The following SRI variants were observed in gnomAD, a reference collection of about 807,000 sequenced individuals.
The protein encoded by SRI is 22 kDa protein.
Under a neutral mutation model 33.3 loss-of-function variants are expected in SRI, and 30 were observed. The ratio of observed to expected loss-of-function variants is 0.90; its 90% CI spans 0.67 to 1.22. The LOEUF is 1.22. Ranked by LOEUF, SRI falls within the 50% of genes most tolerant of loss-of-function variation. The pLI, the probability that SRI is intolerant of heterozygous loss-of-function variation, is 0.00. For synonymous variants in SRI, 75 were observed against 89.9 expected (o/e 0.83, Z 0.94); for missense variants, 243 against 250.8 (o/e 0.97, Z 0.21).
upstream of SRI, among the ~76,000 whole-genome samples, chr7:88,220,334 AC>A: frequency 6.8e-6 from 1 of 146,634 alleles, no homozygotes; most frequent in Non-Finnish European, 1.5e-5. Flanking sequence ...ACATTCCAAC[AC>A]CAATACACCA....
chr7:88,220,323 C>T (rs1851861403), upstream of SRI, among the ~76,000 whole-genome samples: 1 of 151,614 alleles, frequency 6.6e-6, no homozygotes, highest in Non-Finnish European at 1.5e-5. Context: ...AAACTAATGG[C>T]ACATTCCAAC....
At chr7:88,217,583 T>C (rs1039724660) in intron 2 of SRI, among the ~76,000 whole-genome samples, 1 of 152,152 alleles carries the variant, frequency 6.6e-6, no homozygotes, top group Non-Finnish European at 1.5e-5. Flanking sequence ...TATGATATAG[T>C]GAATCATTTT....
intron 1 of SRI, among the ~76,000 whole-genome samples, chr7:88,225,978 T>C (rs1029157028): frequency 3.3e-5 from 5 of 152,194 alleles, no homozygotes; most frequent in African/African-American, 1.2e-4. Context: ...AGTTTTTGTC[T>C]GAGGCTTGTA....
rs1851840210 is a variant in SRI, at chr7:88,219,854, G to A, written c.51+122C>T. The A allele has an allele frequency of 1.4e-5, 17 of 1,242,828 alleles. No homozygotes were observed. In the South Asian group the frequency reaches 2.0e-4, roughly 14 times the overall value. The allele number at this position is 1,242,828 out of a possible 1,614,324, so 77.0% of individuals were successfully genotyped here. ...GGCCGCGAGCGCAGGGAGAAGCCGA[G>A]GGCGGAAGGAGCCCGGGTAGCCGCC... On this transcript the variant is annotated intron_variant, in intron 1 of 7. Transcript: ENST00000265729.
Position 88,210,007 on chromosome 7 carries a change from A to C in SRI, c.373T>G (p.Leu125Val). 2 of 1,614,168 alleles carry C rather than the reference A, an allele frequency of 1.2e-6. No individual in the cohort carries two copies. The highest frequency in any genetic ancestry group is 2.2e-5 in the South Asian group (2 of 91,084). The change falls in exon 5 of 8, where the codon TTG becomes GTG. Residue 125 changes from leucine to valine, a missense_variant. Leu to Val is a conservative substitution (Grantham distance 32). Coordinates refer to ENST00000265729, the MANE Select transcript of SRI (RefSeq NM_003130.4). ...DRSGTVDPQE[L>V]QKALTTMGFR... ...CCCATTGTTGTCAGGGCCTTCTGCA[A>C]TTCTTGTGGGTCTACTGTTCCACTC... is the stretch of plus-strand genomic sequence containing the variant.
At chr7:88,220,888 G>C (rs1469433668), upstream of SRI, among the ~76,000 whole-genome samples, 1 of 152,202 alleles carries the variant, frequency 6.6e-6, no homozygotes, top group Non-Finnish European at 1.5e-5. Context: ...ATAAGAGATA[G>C]GAACTTCTAT....
intron 1 of SRI, 147 bp downstream of exon 1, chr7:88,219,829 G>A: frequency 1.0e-6 from 1 of 989,218 alleles, no homozygotes; most frequent in Non-Finnish European, 1.4e-6. Context: ...CCTAGGGCGA[G>A]GCCGCGAGCG....
chr7:88,208,380 A>C, intron 7 of SRI, 127 bp downstream of exon 7: 2 of 1,442,114 alleles, frequency 1.4e-6, no homozygotes, highest in Middle Eastern at 1.9e-4. Context: ...AACTCTTTCT[A>C]ACTTTTGAAT....
chr7:88,223,911 T>TA (rs975632752), upstream of SRI, among the ~76,000 whole-genome samples: 1 of 151,846 alleles, frequency 6.6e-6, no homozygotes, highest in African/African-American at 2.4e-5. Context: ...TACTAAGTCC[T>TA]AAAAAAAAGA....
chr7:88,209,871 C>T, intron 5 of SRI, 112 bp downstream of exon 5: 1 of 1,438,732 alleles, frequency 7.0e-7, no homozygotes, highest in Non-Finnish European at 9.8e-7. Context: ...CCTCCTTGGC[C>T]TCCCAAAGTG....
At chr7:88,218,978 G>C in intron 1 of SRI, 36 bp from the exon 2 acceptor site, 2 of 1,589,758 alleles carry the variant, frequency 1.3e-6, no homozygotes, top group Non-Finnish European at 1.7e-6. Context: ...TCATTCTGCC[G>C]AATCAAGTTT....
At chr7:88,208,607 G>C in intron 6 of SRI, 42 bp from the exon 7 acceptor site, 1 of 1,610,400 alleles carries the variant, frequency 6.2e-7, no homozygotes, top group Non-Finnish European at 8.5e-7. Flanking sequence ...TTCTTTAAAT[G>C]GTTTTTCTAA....
At chr7:88,222,473 G>C (rs1328656399), upstream of SRI, among the ~76,000 whole-genome samples, 2 of 150,932 alleles carry the variant, frequency 1.3e-5, no homozygotes, top group African/African-American at 4.9e-5. Context: ...TTTTTTGGCT[G>C]CATAAATGTC....
upstream of SRI, among the ~76,000 whole-genome samples, chr7:88,220,906 ATTC>A (rs1851874913): frequency 6.6e-6 from 1 of 152,226 alleles, no homozygotes; most frequent in Admixed American, 6.5e-5. Context: ...TATGTAGGTT[ATTC>A]TTCTTTACTT....
At chr7:88,224,516 TAG>T (rs1429828947), upstream of SRI, among the ~76,000 whole-genome samples, 1 of 152,208 alleles carries the variant, frequency 6.6e-6, no homozygotes, top group Non-Finnish European at 1.5e-5. Context: ...ACCTCTGCCT[TAG>T]AGAGAAGCTC....
chr7:88,220,036 T>C lies in SRI; in HGVS notation c.-10A>G. On this transcript the variant is annotated 5_prime_UTR_variant, in exon 1 of 8. Transcript: ENST00000265729. Reference sequence around the variant, plus strand: ...GCCCCGGGTACGCCATGCTGCAGACTGCGCCGCAGCCGCCCTCGCCCTGTG... The same window carrying C: ...GCCCCGGGTACGCCATGCTGCAGACCGCGCCGCAGCCGCCCTCGCCCTGTG... The C allele has an allele frequency of 6.6e-7, 1 of 1,525,564 alleles. No homozygotes were observed. The highest frequency in any genetic ancestry group is 8.8e-7 in the Non-Finnish European group (1 of 1,142,684). 94.5% of individuals were successfully genotyped at this position (1,525,564 alleles called of 1,614,324 possible).
Position 88,217,807 on chromosome 7 carries a change from G to A in SRI, c.136-616C>T, listed in dbSNP as rs1851770180. Among the ~76,000 whole-genome samples the A allele has an allele frequency of 2.6e-5, 4 of 152,346 alleles. No individual in the cohort carries two copies. The South Asian group carries it at 8.3e-4, about 32-fold the overall frequency. On this transcript the variant is annotated intron_variant, in intron 2 of 7. Coordinates refer to ENST00000265729, the MANE Select transcript of SRI (RefSeq NM_003130.4). ...ATGCTGAATACAGGCCAGGGCTGCT[G>A]AAAGCTAAGCAGGTGGAGTCACTTA... is the stretch of plus-strand genomic sequence containing the variant.
intron 3 of SRI, among the ~76,000 whole-genome samples, chr7:88,215,596 A>T (rs1851688018): frequency 6.6e-6 from 1 of 152,248 alleles, no homozygotes; most frequent in Non-Finnish European, 1.5e-5. Context: ...AATAACAGGA[A>T]CTTGAAAGGT....
At chr7:88,208,177 G>A (rs1463858429) in intron 7 of SRI, 3 of 234,462 alleles carry the variant, frequency 1.3e-5, no homozygotes, top group Non-Finnish European at 2.4e-5. Flanking sequence ...ATCTTACAAT[G>A]GCTCAGTGAA....
Sources: allele counts gnomAD v4.1 joint callset (sites outside exome capture counted in the v4.1 genomes callset), GRCh38; gene constraint gnomAD v4.1.1; transcripts MANE v1.5; gene names NCBI Gene and HGNC (gene_info 2026-07-23, HGNC 2026-07-21).